The following TENM2 variants were observed in gnomAD, a reference collection of about 807,000 sequenced individuals.
The protein encoded by TENM2 is teneurin-2.
In TENM2, 52 loss-of-function variants were observed where a neutral mutation model predicts 245.2. The ratio of observed to expected loss-of-function variants is 0.21; its 90% confidence interval spans 0.17 to 0.27. The LOEUF is 0.27. Among genes scored for constraint, TENM2 ranks in the 10% least tolerant of loss-of-function variants. TENM2 has a pLI of 1.00. For missense variants in TENM2, 3,046 were observed against 3,666.8 expected, an observed-to-expected ratio of 0.83 and a Z score of 4.37; for synonymous variants, 1,363 against 1,438.9, an observed-to-expected ratio of 0.95 and a Z score of 1.19.
At chr5:167,318,875 A>C (rs1049336545) in intron 1 of TENM2, among the ~76,000 whole-genome samples, 1 of 152,180 alleles carries the variant, frequency 6.6e-6, no homozygotes, top group Non-Finnish European at 1.5e-5. Flanking sequence ...AAATTTTGTG[A>C]ATTACATTTT....
At chr5:168,033,644 A>G (rs1787324930) in intron 5 of TENM2, among the ~76,000 whole-genome samples, 1 of 152,158 alleles carries the variant, frequency 6.6e-6, no homozygotes, top group African/African-American at 2.4e-5. Flanking sequence ...ACTGTGTTCT[A>G]AAGCTTATGC....
chr5:167,107,997 T>G, the TENM2 span, among the ~76,000 whole-genome samples: 2 of 152,334 alleles, frequency 1.3e-5, no homozygotes, highest in East Asian at 1.9e-4. Context: ...TTTGTTTCTG[T>G]TCTTTATTTA....
chr5:168,183,238 G>A (rs2152495133), intron 13 of TENM2, among the ~76,000 whole-genome samples: 1 of 152,260 alleles, frequency 6.6e-6, no homozygotes, highest in South Asian at 2.1e-4. Context: ...ATATCCTAAG[G>A]CCTAACGGCC....
intron 9 of TENM2, among the ~76,000 whole-genome samples, chr5:168,104,474 G>A (rs1360988294): frequency 1.3e-5 from 2 of 152,206 alleles, no homozygotes; most frequent in African/African-American, 2.4e-5. Context: ...GCAGGCAGCC[G>A]GCAGACTCAG....
At chr5:168,261,947 C>T (rs1768225144) in intron 28 of TENM2, 102 bp from the exon 31 acceptor site, 1 of 1,155,162 alleles carries the variant, frequency 8.7e-7, no homozygotes. Flanking sequence ...AGACCCAACA[C>T]TAGTTCTTGC....
chr5:167,298,503 T>C (rs1482516328), intron 1 of TENM2, among the ~76,000 whole-genome samples: 1 of 152,112 alleles, frequency 6.6e-6, no homozygotes, highest in Non-Finnish European at 1.5e-5. Flanking sequence ...CTCGGGAGGC[T>C]GAGGCAGGAG....
At chr5:168,106,276 T>C (rs1362226634) in intron 9 of TENM2, among the ~76,000 whole-genome samples, 2 of 152,136 alleles carry the variant, frequency 1.3e-5, no homozygotes, top group Admixed American at 1.3e-4. Flanking sequence ...TTGCCATTTT[T>C]CTCCCGTTAA....
At chr5:168,042,163 A>G (rs1425749368) in intron 5 of TENM2, among the ~76,000 whole-genome samples, 1 of 152,124 alleles carries the variant, frequency 6.6e-6, no homozygotes, top group Non-Finnish European at 1.5e-5. Context: ...GCCCTTGTGT[A>G]TCTGATGGCA....
At chr5:168,109,973 A>G (rs1374256010) in intron 9 of TENM2, among the ~76,000 whole-genome samples, 3 of 147,980 alleles carry the variant, frequency 2.0e-5, no homozygotes, top group African/African-American at 5.0e-5. Context: ...AACAGAAATC[A>G]CTTCGCGGGG....
At chr5:167,299,301 G>A (rs1476372416) in intron 1 of TENM2, among the ~76,000 whole-genome samples, 2 of 152,206 alleles carry the variant, frequency 1.3e-5, no homozygotes, top group Admixed American at 1.3e-4. Flanking sequence ...AATTATGTCT[G>A]ACAGAAGGAA....
chr5:167,947,730 A>G (rs1040325077), intron 3 of TENM2, among the ~76,000 whole-genome samples: 1 of 152,218 alleles, frequency 6.6e-6, no homozygotes, highest in Non-Finnish European at 1.5e-5. Flanking sequence ...AAGGTGGTTC[A>G]AGAGAAGAAG....
chr5:167,572,464 A>T lies in TENM2; in HGVS notation c.502+196991A>T, dbSNP rs73801291. 8.6e-3 allele frequency among the ~76,000 whole-genome samples: 1,316 copies of T among 152,302 alleles called. 8 individuals are homozygous for T. The highest frequency in any genetic ancestry group is 0.017 in the Middle Eastern group (5 of 294). On this transcript the variant is annotated intron_variant, in intron 2 of 28. Transcript: ENST00000518659. ...ATAGAATTTACTTTCGGATATTGGA[A>T]TTGCTTAATTTCGAAGAGATGGCCA... is the stretch of plus-strand genomic sequence containing the variant.
the TENM2 span, among the ~76,000 whole-genome samples, chr5:167,238,051 A>G: frequency 6.6e-6 from 1 of 150,628 alleles, no homozygotes; most frequent in East Asian, 2.0e-4. Context: ...TGCATCACCA[A>G]CTCTCCAGCT....
the TENM2 span, among the ~76,000 whole-genome samples, chr5:167,127,627 T>A: frequency 0.01 from 1,475 of 147,460 alleles, 24 homozygotes; most frequent in African/African-American, 0.033. Flanking sequence ...TTTTTTTTTT[T>A]TAAAAAAAAA....
chr5:168,189,646 C>T (rs1225906295), intron 13 of TENM2, among the ~76,000 whole-genome samples: 1 of 152,232 alleles, frequency 6.6e-6, no homozygotes, highest in Non-Finnish European at 1.5e-5. Flanking sequence ...GTAATACTCT[C>T]AGCACCCAGG....
chr5:166,997,174 G>A, the TENM2 span, among the ~76,000 whole-genome samples: 1 of 152,126 alleles, frequency 6.6e-6, no homozygotes, highest in African/African-American at 2.4e-5. Context: ...CACCATGCCA[G>A]CGAAGACCTA....
intron 3 of TENM2, among the ~76,000 whole-genome samples, chr5:167,883,380 G>T (rs73803257): frequency 1.2e-4 from 19 of 152,248 alleles, no homozygotes; most frequent in Admixed American, 2.0e-4. Context: ...ACATGTGCAC[G>T]TGTGTGCACA....
At chr5:167,120,938 C>A in the TENM2 span, among the ~76,000 whole-genome samples, 1 of 152,036 alleles carries the variant, frequency 6.6e-6, no homozygotes, top group African/African-American at 2.4e-5. Context: ...CCTCATGCAT[C>A]CATTTCTTAC....
intron 2 of TENM2, among the ~76,000 whole-genome samples, chr5:167,752,960 T>G (rs1339643433): frequency 6.6e-6 from 1 of 152,202 alleles, no homozygotes; most frequent in Non-Finnish European, 1.5e-5. Flanking sequence ...TTAATTCCTC[T>G]AAGTATCTAG....
Sources: allele counts gnomAD v4.1 joint callset (sites outside exome capture counted in the v4.1 genomes callset), GRCh38; gene constraint gnomAD v4.1.1; transcripts MANE v1.5; gene names NCBI Gene and HGNC (gene_info 2026-07-23, HGNC 2026-07-21).